FSIP1: variants seen among roughly 807,000 people sequenced by gnomAD.
FSIP1 encodes fibrous sheath-interacting protein 1.
In FSIP1, 65 loss-of-function variants were observed where a neutral mutation model predicts 60.9. The ratio of observed to expected loss-of-function variants is 1.07; its 90% CI spans 0.87 to 1.31. FSIP1 has a LOEUF of 1.31. Ranked by LOEUF, FSIP1 falls within the 40% of genes most tolerant of loss-of-function variation. FSIP1 has a pLI of 0.00. For synonymous variants in FSIP1, 209 were observed against 221.2 expected, an observed-to-expected ratio of 0.94 and a Z score of 0.49; for missense variants, 675 against 665.5, an observed-to-expected ratio of 1.01 and a Z score of -0.16.
chr15:39,716,907 C>T (rs1343836560), intron 9 of FSIP1, among the ~76,000 whole-genome samples: 3 of 150,108 alleles, frequency 2.0e-5, no homozygotes, highest in South Asian at 2.1e-4. Context: ...CTCTGCCTCC[C>T]GGGTTCAAGC....
intron 10 of FSIP1, among the ~76,000 whole-genome samples, chr15:39,674,275 T>C (rs559863741): frequency 2.2e-4 from 33 of 152,220 alleles, no homozygotes; most frequent in East Asian, 2.1e-3. Context: ...AGGATGGTCT[T>C]GATCTCCTGA....
chr15:39,647,835 T>C (rs1274817418), intron 10 of FSIP1, among the ~76,000 whole-genome samples: 1 of 152,186 alleles, frequency 6.6e-6, no homozygotes, highest in African/African-American at 2.4e-5. Context: ...GACAAATAGA[T>C]ATTAAACTGT....
intron 10 of FSIP1, among the ~76,000 whole-genome samples, chr15:39,631,420 A>G (rs999198363): frequency 3.3e-5 from 5 of 152,214 alleles, no homozygotes; most frequent in East Asian, 1.9e-4. Flanking sequence ...GAGCTCCCCA[A>G]TGTGAGAAAC....
chr15:39,735,041 T>C (rs1055127621), intron 8 of FSIP1, among the ~76,000 whole-genome samples: 5 of 152,214 alleles, frequency 3.3e-5, no homozygotes, highest in African/African-American at 1.2e-4. Context: ...TCTATCGCCA[T>C]AGTTTGATAC....
intron 9 of FSIP1, among the ~76,000 whole-genome samples, chr15:39,716,987 G>A (rs1025274744): frequency 1.3e-5 from 2 of 151,692 alleles, no homozygotes; most frequent in Non-Finnish European, 2.9e-5. Context: ...GCTAATTTTT[G>A]TATTTTTAGT....
rs116678139 is a variant in FSIP1, at chr15:39,605,066, T to G, written c.1700-4140A>C. 9.3e-3 allele frequency among the ~76,000 whole-genome samples: 1,416 copies of G among 152,298 alleles called. 25 individuals carry two copies. The highest frequency in any genetic ancestry group is 0.033 in the African/African-American group (1,355 of 41,552). On this transcript the variant is annotated intron_variant, in intron 11 of 11. Transcript: ENST00000350221. ...TCAATCTGCCGGCAACCAGGCCTCA[T>G]CCAGCAAGTTACAATCAATGGGCAA... is the stretch of plus-strand genomic sequence containing the variant.
chr15:39,665,734 T>G (rs1032023577), intron 10 of FSIP1, among the ~76,000 whole-genome samples: 1 of 152,216 alleles, frequency 6.6e-6, no homozygotes, highest in African/African-American at 2.4e-5. Context: ...AGAGTAAAGT[T>G]TTAATTAATT....
chr15:39,690,574 A>G (rs1894556374), intron 10 of FSIP1, among the ~76,000 whole-genome samples: 1 of 152,202 alleles, frequency 6.6e-6, no homozygotes, highest in African/African-American at 2.4e-5. Context: ...AAAAATGCTG[A>G]GGTCTGTCCT....
At position 39,607,791 on chromosome 15, in the gene FSIP1, T is replaced by C. The variant is rs143658139; in HGVS notation, c.1700-6865A>G. Among the ~76,000 whole-genome samples, 298 of 152,322 alleles carry C rather than the reference T, an allele frequency of 2.0e-3. 3 individuals carry two copies. Among genetic ancestry groups the C allele is most frequent in the African/African-American group, 6.9e-3 (285 of 41,576 alleles). ...ACTACGTATCAGTAATACTTGCTAT[T>C]GAAAGAGAAAACAATAAATGGCTTT... On this transcript the variant is annotated intron_variant, in intron 11 of 11. Transcript: ENST00000350221.
At chr15:39,768,826 T>C (rs924625429) in intron 3 of FSIP1, among the ~76,000 whole-genome samples, 1 of 152,224 alleles carries the variant, frequency 6.6e-6, no homozygotes, top group Non-Finnish European at 1.5e-5. Context: ...ATGTATTTGT[T>C]CCATTAAAAT....
intron 8 of FSIP1, among the ~76,000 whole-genome samples, chr15:39,729,408 C>T (rs1896319550): frequency 6.6e-6 from 1 of 152,006 alleles, no homozygotes; most frequent in South Asian, 2.1e-4. Flanking sequence ...CTCACCTTTA[C>T]AAAAAAATTT....
At chr15:39,655,217 T>C (rs1236903564) in intron 10 of FSIP1, among the ~76,000 whole-genome samples, 1 of 152,212 alleles carries the variant, frequency 6.6e-6, no homozygotes, top group African/African-American at 2.4e-5. Flanking sequence ...ATTTAAAATC[T>C]ATCATAGACT....
chr15:39,661,893 G>A (rs897921873), intron 10 of FSIP1, among the ~76,000 whole-genome samples: 11 of 152,158 alleles, frequency 7.2e-5, no homozygotes, highest in African/African-American at 2.7e-4. Context: ...CAGCCATTCA[G>A]GAGCCTGCTC....
At chr15:39,643,231 A>G (rs1265779857) in intron 10 of FSIP1, among the ~76,000 whole-genome samples, 1 of 152,242 alleles carries the variant, frequency 6.6e-6, no homozygotes, top group East Asian at 1.9e-4. Flanking sequence ...TTTTATTTCA[A>G]CATTGCTTAT....
chr15:39,647,240 G>A (rs902009599), intron 10 of FSIP1, among the ~76,000 whole-genome samples: 4 of 152,154 alleles, frequency 2.6e-5, no homozygotes, highest in African/African-American at 9.7e-5. Context: ...CTTGCAAAAA[G>A]AGTAGATTTT....
At chr15:39,694,603 C>T (rs186712897) in intron 10 of FSIP1, among the ~76,000 whole-genome samples, 143 of 152,114 alleles carry the variant, frequency 9.4e-4, no homozygotes, top group African/African-American at 3.3e-3. Flanking sequence ...GAGTTTGAGA[C>T]CAGCCTGGCC....
chr15:39,724,277 G>A (rs981093310), intron 9 of FSIP1, among the ~76,000 whole-genome samples: 15 of 149,750 alleles, frequency 1.0e-4, no homozygotes, highest in African/African-American at 3.7e-4. Context: ...TTTTGAGACG[G>A]AGTCTCACTC....
At chr15:39,672,982 T>C (rs1260541683) in intron 10 of FSIP1, among the ~76,000 whole-genome samples, 1 of 152,102 alleles carries the variant, frequency 6.6e-6, no homozygotes, top group Non-Finnish European at 1.5e-5. Flanking sequence ...CCGCACAAAG[T>C]GTCAATCTAA....
chr15:39,646,417 G>T (rs944387279), intron 10 of FSIP1, among the ~76,000 whole-genome samples: 2 of 146,954 alleles, frequency 1.4e-5, no homozygotes, highest in Non-Finnish European at 3.0e-5. Flanking sequence ...AACACTACTG[G>T]TTTGGGCCGT....
Sources: allele counts gnomAD v4.1 joint callset (sites outside exome capture counted in the v4.1 genomes callset), GRCh38; gene constraint gnomAD v4.1.1; transcripts MANE v1.5; gene names NCBI Gene and HGNC (gene_info 2026-07-23, HGNC 2026-07-21).